The following PCBP3 variants were observed in gnomAD, a reference collection of about 807,000 sequenced individuals.
PCBP3 encodes poly(rC) binding protein 3, also known as poly(rC)-binding protein 3.
A neutral mutation model predicts 52.7 loss-of-function variants in PCBP3; 25 were observed. The ratio of observed to expected loss-of-function variants is 0.47; its 90% CI spans 0.35 to 0.66. The LOEUF (loss-of-function observed/expected upper bound fraction) is 0.66, where lower values mean the gene tolerates loss of function less well. Among genes scored for constraint, PCBP3 ranks in the 30% least tolerant of loss-of-function variants. The probability of loss-of-function intolerance (pLI) is 0.01; values close to 1 mark genes in which losing one functional copy is unlikely to be tolerated. For synonymous variants in PCBP3, 162 were observed against 183.0 expected, an observed-to-expected ratio of 0.89 and a Z score of 0.93; for missense variants, 391 against 490.3, an observed-to-expected ratio of 0.80 and a Z score of 1.91.
intron 1 of PCBP3, among the ~76,000 whole-genome samples, chr21:45,652,694 C>T (rs966394763): frequency 6.6e-6 from 1 of 152,106 alleles, no homozygotes; most frequent in Non-Finnish European, 1.5e-5. Flanking sequence ...CTGCCCGCCT[C>T]GGCCTCCCAC....
chr21:45,736,033 T>G lies in PCBP3; in HGVS notation c.-162+604T>G, dbSNP rs1318393127. ...ACTCCTTTTAAAATTATCCTTAAGA[T>G]GTCTTTCTTTTTCTAAAGCTTATTA... On this transcript the variant is annotated intron_variant, in intron 3 of 17. Coordinates refer to ENST00000681687, the MANE Select transcript of PCBP3 (RefSeq NM_001384156.1). This position sits in a 1 kb window ranked among gnomAD's most constrained non-coding sequence, Gnocchi z 4.6. Among the ~76,000 whole-genome samples the G allele has an allele frequency of 6.6e-6, 1 of 152,246 alleles. No individual in the cohort carries two copies. The highest frequency in any genetic ancestry group is 2.4e-5 in the African/African-American group (1 of 41,470).
At chr21:45,700,936 C>T (rs1449536932) in intron 2 of PCBP3, among the ~76,000 whole-genome samples, 3 of 152,112 alleles carry the variant, frequency 2.0e-5, no homozygotes, top group Non-Finnish European at 2.9e-5. Context: ...CCCTTAGGAG[C>T]GAAAAATCAT....
intron 10 of PCBP3, among the ~76,000 whole-genome samples, chr21:45,909,710 CGGCCA>C (rs1569484105): frequency 1.3e-4 from 20 of 149,302 alleles, no homozygotes; most frequent in South Asian, 1.1e-3. Flanking sequence ...GATACGGACC[CGGCCA>C]CCCACTGCCC....
chr21:45,926,454 G>T (rs183069491), intron 13 of PCBP3, among the ~76,000 whole-genome samples: 2 of 152,202 alleles, frequency 1.3e-5, no homozygotes, highest in Non-Finnish European at 2.9e-5. Context: ...GGCAGGTCCC[G>T]CAGGAGGTGT....
chr21:45,717,369 C>T (rs1157349319), intron 2 of PCBP3, among the ~76,000 whole-genome samples: 2 of 152,068 alleles, frequency 1.3e-5, no homozygotes, highest in Non-Finnish European at 2.9e-5. Flanking sequence ...TCCAATACAG[C>T]GTTGATTGTA....
At chr21:45,653,801 TTC>T (rs1207121302) in intron 1 of PCBP3, among the ~76,000 whole-genome samples, 1 of 152,188 alleles carries the variant, frequency 6.6e-6, no homozygotes. Flanking sequence ...GTGTTTATTT[TTC>T]TCTCTTTTCT....
intron 4 of PCBP3, among the ~76,000 whole-genome samples, chr21:45,816,342 C>T (rs186873462): frequency 1.3e-5 from 2 of 152,066 alleles, no homozygotes; most frequent in Non-Finnish European, 2.9e-5. Flanking sequence ...TTTGTAATAA[C>T]GCTTAGCTTA....
chr21:45,851,808 C>CTA (rs1246810971), intron 5 of PCBP3, among the ~76,000 whole-genome samples: 2 of 152,184 alleles, frequency 1.3e-5, no homozygotes, highest in Non-Finnish European at 2.9e-5. Context: ...GCCAATAATA[C>CTA]TAAAGAAATT....
rs2083346108 is a variant in PCBP3 at position 45,704,819 on chromosome 21, T to C, written c.-199-30573T>C. Among the ~76,000 whole-genome samples the C allele has an allele frequency of 1.3e-5, 2 of 152,116 alleles. No individual in the cohort carries two copies. The highest frequency in any genetic ancestry group is 2.9e-5 in the Non-Finnish European group (2 of 68,018). On this transcript the variant is annotated intron_variant, in intron 2 of 17. Transcript: ENST00000681687. The surrounding 1 kb of genome is among the most constrained non-coding windows in gnomAD (Gnocchi z 4.1). ...AATCAATTTTGTGAGCCAAATGACCTAGAGAGTGATGTGATACAGTGCAGG... is the reference window on the plus strand; with the variant it reads ...AATCAATTTTGTGAGCCAAATGACCCAGAGAGTGATGTGATACAGTGCAGG...
At chr21:45,772,541 C>T (rs1201731114) in intron 4 of PCBP3, among the ~76,000 whole-genome samples, 1 of 152,094 alleles carries the variant, frequency 6.6e-6, no homozygotes, top group African/African-American at 2.4e-5. Context: ...GCAGGTACTA[C>T]TTTGATATAC....
chr21:45,919,631 G>A (rs915606437), intron 13 of PCBP3: 3 of 152,226 alleles, frequency 2.0e-5, no homozygotes, highest in African/African-American at 7.2e-5. Flanking sequence ...GTTTTTAGTG[G>A]TTCCTGGCGT....
chr21:45,921,171 T>TTTAGTAGAAATTTTTAAAGCATCGGTAA (rs2074379261), intron 13 of PCBP3, among the ~76,000 whole-genome samples: 1 of 152,236 alleles, frequency 6.6e-6, no homozygotes, highest in Non-Finnish European at 1.5e-5. Context: ...GAGCTTGGTA[T>TTTAGTAGAAATTTTTAAAGCATCGGTAA]TTAGTAGAAA....
At chr21:45,875,966 C>T (rs1337933014) in intron 5 of PCBP3, among the ~76,000 whole-genome samples, 2 of 152,204 alleles carry the variant, frequency 1.3e-5, no homozygotes, top group African/African-American at 2.4e-5. Context: ...CCCATGGCCC[C>T]GCATCCCCGG....
intron 4 of PCBP3, among the ~76,000 whole-genome samples, chr21:45,834,832 C>G: frequency 6.6e-6 from 1 of 152,248 alleles, no homozygotes; most frequent in East Asian, 1.9e-4. Flanking sequence ...ACCTGGCACG[C>G]TTTTCGGCAG....
intron 4 of PCBP3, chr21:45,762,376 C>T (rs982478013): frequency 2.0e-5 from 3 of 152,354 alleles, no homozygotes; most frequent in Non-Finnish European, 2.9e-5. Flanking sequence ...GTCCCAGTCT[C>T]GGGTGTTACA....
chr21:45,715,326 G>C (rs561637706), intron 2 of PCBP3, among the ~76,000 whole-genome samples: 86 of 152,272 alleles, frequency 5.6e-4, no homozygotes, highest in Middle Eastern at 3.4e-3. Context: ...TTCCTGGTAA[G>C]TATATCGATG....
intron 5 of PCBP3, among the ~76,000 whole-genome samples, chr21:45,868,503 CTG>C (rs1296451331): frequency 1.4e-5 from 2 of 144,146 alleles, no homozygotes; most frequent in East Asian, 4.1e-4. Flanking sequence ...ATGTGTGTGT[CTG>C]ACTTTCTGCA....
At chr21:45,887,502 G>A (rs1432016607) in intron 5 of PCBP3, among the ~76,000 whole-genome samples, 1 of 152,226 alleles carries the variant, frequency 6.6e-6, no homozygotes, top group Non-Finnish European at 1.5e-5. Context: ...GGAGGGACAA[G>A]TAAAGGCATC....
At chr21:45,730,600 T>C (rs186428800) in intron 2 of PCBP3, among the ~76,000 whole-genome samples, 1 of 152,320 alleles carries the variant, frequency 6.6e-6, no homozygotes, top group African/African-American at 2.4e-5. Flanking sequence ...ATCTTCTGTG[T>C]AGGTTTTTAC....
Sources: gnomAD v4.1 joint callset for allele counts (sites outside exome capture counted in the v4.1 genomes callset) on GRCh38, gnomAD v4.1.1 for gene constraint, Gnocchi (gnomAD v3.1) non-coding constraint, MANE v1.5 for transcripts, NCBI Gene and HGNC (gene_info 2026-07-23, HGNC 2026-07-21) for gene names.